The following HPSE2 variants were observed in gnomAD, a reference collection of about 807,000 sequenced individuals.
HPSE2 encodes the protein heparanase 2 (inactive).
HPSE2 carries 38 observed loss-of-function variants against 60.5 expected under a neutral mutation model. That is an observed-to-expected ratio of 0.63 (90% CI 0.48 to 0.82). The LOEUF (loss-of-function observed/expected upper bound fraction) is 0.82. HPSE2 is among the 40% of genes least tolerant of loss of function. The pLI is 0.00. For synonymous variants in HPSE2, 295 were observed against 293.2 expected, an observed-to-expected ratio of 1.01 and a Z score of -0.06; for missense variants, 713 against 740.4, an observed-to-expected ratio of 0.96 and a Z score of 0.43.
intron 3 of HPSE2, among the ~76,000 whole-genome samples, chr10:98,749,510 T>C (rs1589759763): frequency 6.6e-6 from 1 of 151,616 alleles, no homozygotes; most frequent in East Asian, 1.9e-4. Context: ...TATGCATATA[T>C]ACATACATAC....
chr10:98,987,457 T>A (rs974598879), intron 3 of HPSE2, among the ~76,000 whole-genome samples: 7 of 152,166 alleles, frequency 4.6e-5, no homozygotes, highest in African/African-American at 1.7e-4. Context: ...CCCTTCATGC[T>A]AAAAACTCTC....
chr10:99,023,660 T>C (rs748114306), intron 3 of HPSE2, among the ~76,000 whole-genome samples: 6 of 147,886 alleles, frequency 4.1e-5, no homozygotes, highest in Non-Finnish European at 5.9e-5. Context: ...AGAGAGAGAC[T>C]CTGAGAGAAA....
At position 98,693,062 on chromosome 10, in the gene HPSE2, G is replaced by A. The variant is rs752598218; in HGVS notation, c.1004+838C>T. Among the ~76,000 whole-genome samples, 9 of 152,214 alleles carry A rather than the reference G, an allele frequency of 5.9e-5. No homozygotes were observed. The South Asian group carries it at 1.9e-3, about 32-fold the overall frequency. Reference sequence around the variant, plus strand: ...TAGACAGAAGGAGTACATACGCTAGGCAGGAAGGGTTAGAGTAATTGAGAA... The same window carrying A: ...TAGACAGAAGGAGTACATACGCTAGACAGGAAGGGTTAGAGTAATTGAGAA... On this transcript the variant is annotated intron_variant, in intron 6 of 11. Transcript: ENST00000370552.
intron 3 of HPSE2, among the ~76,000 whole-genome samples, chr10:99,087,615 G>A (rs191457960): frequency 3.4e-4 from 52 of 152,246 alleles, no homozygotes; most frequent in African/African-American, 1.7e-4. Context: ...ATGCGTAACC[G>A]GGTGGGATCC....
At chr10:99,134,750 C>T (rs1203026112) in intron 3 of HPSE2, among the ~76,000 whole-genome samples, 1 of 152,202 alleles carries the variant, frequency 6.6e-6, no homozygotes, top group Non-Finnish European at 1.5e-5. Flanking sequence ...CAACTGGTAT[C>T]AGCCACGGCA....
At chr10:98,474,882 G>A (rs527796434) in intron 11 of HPSE2, among the ~76,000 whole-genome samples, 3 of 152,254 alleles carry the variant, frequency 2.0e-5, no homozygotes, top group African/African-American at 7.2e-5. Context: ...TCCTTTAGGA[G>A]ATTCTTCTGA....
At chr10:99,265,183 G>T in the HPSE2 span, among the ~76,000 whole-genome samples, 2 of 152,188 alleles carry the variant, frequency 1.3e-5, no homozygotes, top group African/African-American at 4.8e-5. Flanking sequence ...TCGCCCTTAA[G>T]AAGGTACTTT....
At chr10:98,840,575 G>A (rs1018721733) in intron 3 of HPSE2, among the ~76,000 whole-genome samples, 8 of 152,154 alleles carry the variant, frequency 5.3e-5, no homozygotes, top group African/African-American at 1.2e-4. Flanking sequence ...GATAGACTCC[G>A]CAGGGCTTGA....
intron 9 of HPSE2, among the ~76,000 whole-genome samples, chr10:98,535,127 C>T (rs899903535): frequency 2.0e-5 from 3 of 152,094 alleles, no homozygotes; most frequent in Non-Finnish European, 2.9e-5. Flanking sequence ...CTTTCCTATC[C>T]GTGAATGTCC....
At chr10:99,074,723 T>C (rs2135556804) in intron 3 of HPSE2, among the ~76,000 whole-genome samples, 1 of 152,262 alleles carries the variant, frequency 6.6e-6, no homozygotes, top group Admixed American at 6.5e-5. Context: ...ACTGATTCAA[T>C]CTCTTTACTC....
At chr10:98,986,810 T>C (rs2135322974) in intron 3 of HPSE2, among the ~76,000 whole-genome samples, 1 of 151,774 alleles carries the variant, frequency 6.6e-6, no homozygotes, top group Admixed American at 6.6e-5. Context: ...ATAAAGGGGA[T>C]ATCACCACCG....
chr10:99,232,255 A>ACG lies in HPSE2; in HGVS notation c.448+91_448+92dup, dbSNP rs1554926314. On this transcript the variant is annotated intron_variant, in intron 2 of 11. Transcript: ENST00000370552. ...CACACACACACACACACACACACAC[A>ACG]CGAACACACAGACACACGAACACAC... 13 of 1,376,514 alleles carry ACG rather than the reference A, an allele frequency of 9.4e-6. No individual in the cohort carries two copies. In the African/African-American group the frequency reaches 1.8e-4, roughly 19 times the overall value. 85.3% of individuals were successfully genotyped at this position (1,376,514 alleles called of 1,614,324 possible). A position where few individuals can be genotyped will look rare whatever the true frequency, so the allele number is the denominator to read the frequency against.
intron 3 of HPSE2, among the ~76,000 whole-genome samples, chr10:98,972,609 C>T (rs570892893): frequency 6.6e-6 from 1 of 152,204 alleles, no homozygotes; most frequent in Admixed American, 6.5e-5. Context: ...CCATTCTGCT[C>T]CCTCAGGCTG....
intron 2 of HPSE2, 150 bp from the exon 3 acceptor site, chr10:99,144,549 G>C (rs546446234): frequency 1.4e-4 from 120 of 828,728 alleles, no homozygotes; most frequent in Middle Eastern, 3.3e-4. Context: ...TAATCAGAAG[G>C]CTCTCCAACT....
At chr10:98,740,942 T>G (rs1321132024) in intron 4 of HPSE2, among the ~76,000 whole-genome samples, 1 of 152,152 alleles carries the variant, frequency 6.6e-6, no homozygotes, top group Non-Finnish European at 1.5e-5. Flanking sequence ...ACATTGGATA[T>G]CTTAAGAGAG....
intron 9 of HPSE2, among the ~76,000 whole-genome samples, chr10:98,520,363 C>A (rs1942748420): frequency 6.6e-6 from 1 of 152,246 alleles, no homozygotes; most frequent in Non-Finnish European, 1.5e-5. Context: ...GTGAGCAGTT[C>A]AGATGCTAGA....
At chr10:99,292,812 T>C in the HPSE2 span, among the ~76,000 whole-genome samples, 3 of 152,310 alleles carry the variant, frequency 2.0e-5, no homozygotes, top group Admixed American at 6.5e-5. Context: ...TCTAGCCACA[T>C]TTCCAGTGCT....
At chr10:98,968,354 G>A (rs1432448278) in intron 3 of HPSE2, among the ~76,000 whole-genome samples, 1 of 152,048 alleles carries the variant, frequency 6.6e-6, no homozygotes, top group East Asian at 1.9e-4. Context: ...AAAAATAATT[G>A]ATGTTGGTGT....
chr10:99,286,696 T>C, the HPSE2 span, among the ~76,000 whole-genome samples: 3 of 152,170 alleles, frequency 2.0e-5, no homozygotes, highest in Non-Finnish European at 4.4e-5. Context: ...GTTATGTATA[T>C]TTCATCACAA....
Sources: allele counts gnomAD v4.1 joint callset (sites outside exome capture counted in the v4.1 genomes callset), GRCh38; gene constraint gnomAD v4.1.1; transcripts MANE v1.5; gene names NCBI Gene and HGNC (gene_info 2026-07-23, HGNC 2026-07-21).